GRHL2: variants seen among roughly 807,000 people sequenced by gnomAD.
GRHL2 encodes the protein grainyhead-like protein 2 homolog.
A neutral mutation model predicts 83.8 loss-of-function variants in GRHL2; 21 were observed. That is an observed-to-expected ratio of 0.25 (90% CI 0.18 to 0.36). The LOEUF (loss-of-function observed/expected upper bound fraction) is 0.36, where lower values mean the gene tolerates loss of function less well. Ranked by LOEUF, GRHL2 falls within the 10% of genes least tolerant of loss-of-function variation. The pLI, the probability that GRHL2 is intolerant of heterozygous loss-of-function variation, is 1.00. For synonymous variants in GRHL2, 280 were observed against 278.9 expected (o/e 1.00, Z -0.04); for missense variants, 623 against 781.8 (o/e 0.80, Z 2.42).
At chr8:101,566,512 G>A (rs774546586) in intron 4 of GRHL2, among the ~76,000 whole-genome samples, 5 of 149,716 alleles carry the variant, frequency 3.3e-5, no homozygotes, top group Non-Finnish European at 5.9e-5. Flanking sequence ...TCTCCAGCCC[G>A]GTCCTCTCTT....
intron 3 of GRHL2, among the ~76,000 whole-genome samples, chr8:101,553,646 TGA>T (rs1466117932): frequency 1.6e-5 from 2 of 127,840 alleles, no homozygotes; most frequent in Non-Finnish European, 3.2e-5. Context: ...TTTTTTTTTT[TGA>T]GACGGAGTCT....
At chr8:101,562,289 A>T in intron 4 of GRHL2, 4 of 617,208 alleles carry the variant, frequency 6.5e-6, no homozygotes, top group South Asian at 6.4e-5. Flanking sequence ...ATTCAAATGA[A>T]TTATACGCCG....
intron 1 of GRHL2, chr8:101,542,716 G>C (rs1811180381): frequency 4.4e-6 from 2 of 456,146 alleles, no homozygotes; most frequent in Admixed American, 4.7e-5. Flanking sequence ...CAATTCTGGA[G>C]GCCCAGAAGT....
Position 101,543,284 on chromosome 8 carries a change from C to T in GRHL2, c.64C>T (p.Pro22Ser). 6 of 1,614,090 alleles carry T rather than the reference C, an allele frequency of 3.7e-6. No individual in the cohort carries two copies. Among genetic ancestry groups the T allele is most frequent in the Non-Finnish European group, 5.1e-6 (6 of 1,179,984 alleles). ...CTTAGTGCCCATGCCCAGTGACCCTCCATTCAATACCCGAAGAGCCTACAC... is the reference window on the plus strand; with the variant it reads ...CTTAGTGCCCATGCCCAGTGACCCTTCATTCAATACCCGAAGAGCCTACAC... ...VALVPMPSDP[P>S]FNTRRAYTSE... Residue 22 changes from proline to serine, a missense_variant, in exon 2 of 16, where the codon CCA becomes TCA. Pro to Ser is a moderately conservative substitution (Grantham distance 74). Coordinates refer to ENST00000646743, the MANE Select transcript of GRHL2 (RefSeq NM_024915.4).
intron 14 of GRHL2, among the ~76,000 whole-genome samples, chr8:101,652,358 G>GTCTGAT (rs1563626737): frequency 9.3e-5 from 7 of 74,906 alleles, no homozygotes; most frequent in African/African-American, 3.2e-4. Flanking sequence ...TGGTGTGTGT[G>GTCTGAT]GTGTGTGTGT....
intron 7 of GRHL2, among the ~76,000 whole-genome samples, chr8:101,591,056 A>C (rs1405439491): frequency 6.6e-6 from 1 of 152,198 alleles, no homozygotes; most frequent in African/African-American, 2.4e-5. Flanking sequence ...TGCCCCTACA[A>C]TCCATTTGAA....
chr8:101,524,511 C>A (rs1010884082), intron 1 of GRHL2, among the ~76,000 whole-genome samples: 2 of 151,928 alleles, frequency 1.3e-5, no homozygotes, highest in Non-Finnish European at 2.9e-5. Flanking sequence ...TTATCTATAT[C>A]CCACAACATA....
intron 1 of GRHL2, among the ~76,000 whole-genome samples, chr8:101,510,154 G>A (rs1432726269): frequency 4.6e-5 from 7 of 151,938 alleles, no homozygotes; most frequent in African/African-American, 1.7e-4. Flanking sequence ...ACACCACCAT[G>A]CCCAGCTGAA....
At chr8:101,513,785 C>T (rs1054257989) in intron 1 of GRHL2, among the ~76,000 whole-genome samples, 15 of 152,064 alleles carry the variant, frequency 9.9e-5, no homozygotes, top group African/African-American at 2.7e-4. Context: ...CGTGAGCTAT[C>T]GCGCCTGGCC....
chr8:101,571,336 C>T (rs1455481966), intron 5 of GRHL2, among the ~76,000 whole-genome samples: 1 of 151,866 alleles, frequency 6.6e-6, no homozygotes, highest in Non-Finnish European at 1.5e-5. Flanking sequence ...GTTTTAAGAC[C>T]TTGGTTATGA....
downstream of GRHL2, among the ~76,000 whole-genome samples, chr8:101,674,708 T>A (rs1814267127): frequency 6.6e-6 from 1 of 152,204 alleles, no homozygotes; most frequent in Non-Finnish European, 1.5e-5. Context: ...ACTCATTTTA[T>A]GAGGCCAGCA....
chr8:101,494,019 G>C (rs897954253), intron 1 of GRHL2, among the ~76,000 whole-genome samples: 1 of 152,150 alleles, frequency 6.6e-6, no homozygotes, highest in African/African-American at 2.4e-5. Flanking sequence ...GGGCGCGTCC[G>C]GGCCTGGGAA....
chr8:101,517,612 G>C (rs1281047530), intron 1 of GRHL2, among the ~76,000 whole-genome samples: 1 of 152,198 alleles, frequency 6.6e-6, no homozygotes, highest in African/African-American at 2.4e-5. Context: ...AGTCTGTGTA[G>C]TTAAAAAAAT....
At chr8:101,662,860 C>CATATATATATATAT (rs34202494) in intron 14 of GRHL2, among the ~76,000 whole-genome samples, 165 of 146,178 alleles carry the variant, frequency 1.1e-3, no homozygotes, top group Admixed American at 3.7e-3. Context: ...TATGTACTTA[C>CATATATATATATAT]ATATATATAC....
intron 8 of GRHL2, among the ~76,000 whole-genome samples, 165 bp from the exon 9 acceptor site, chr8:101,619,374 A>G (rs186968236): frequency 1.6e-4 from 24 of 152,358 alleles, no homozygotes; most frequent in Admixed American, 1.1e-3. Flanking sequence ...ATTATAAATT[A>G]TATGTTTTAT....
intron 9 of GRHL2, among the ~76,000 whole-genome samples, chr8:101,626,035 A>G (rs1813072902): frequency 6.6e-6 from 1 of 152,072 alleles, no homozygotes; most frequent in Admixed American, 6.6e-5. Context: ...TCTAATTTCA[A>G]AATCCAGGTA....
chr8:101,591,697 C>CT (rs1812285453), intron 7 of GRHL2, among the ~76,000 whole-genome samples: 1 of 152,216 alleles, frequency 6.6e-6, no homozygotes, highest in Non-Finnish European at 1.5e-5. Context: ...AACAGCTGAA[C>CT]TTCGCTGTGG....
At chr8:101,634,772 C>T (rs139253343) in intron 11 of GRHL2, among the ~76,000 whole-genome samples, 3 of 152,270 alleles carry the variant, frequency 2.0e-5, no homozygotes, top group African/African-American at 7.2e-5. Context: ...GTATTTCACT[C>T]TCAGGCCACC....
At chr8:101,602,498 G>A (rs1033916607) in intron 8 of GRHL2, among the ~76,000 whole-genome samples, 1 of 152,098 alleles carries the variant, frequency 6.6e-6, no homozygotes, top group Non-Finnish European at 1.5e-5. Flanking sequence ...GCCTTTTGAT[G>A]GTCCACAGAA....
Sources: gnomAD v4.1 joint callset for allele counts (sites outside exome capture counted in the v4.1 genomes callset) on GRCh38, gnomAD v4.1.1 for gene constraint, MANE v1.5 for transcripts, NCBI Gene and HGNC (gene_info 2026-07-23, HGNC 2026-07-21) for gene names.